The following NT5C1A variants were observed in gnomAD, a reference collection of about 807,000 sequenced individuals.
NT5C1A encodes 5'-nucleotidase, cytosolic IA.
Under a neutral mutation model 31.0 loss-of-function variants are expected in NT5C1A, and 18 were observed. The observed-to-expected ratio is 0.58, with a 90% CI of 0.40 to 0.86. The LOEUF (loss-of-function observed/expected upper bound fraction) is 0.86. NT5C1A is among the 40% of genes least tolerant of loss of function. NT5C1A has a pLI of 0.00. For missense variants in NT5C1A, 470 were observed against 505.4 expected (o/e 0.93, Z 0.67); for synonymous variants, 185 against 203.6 (o/e 0.91, Z 0.78).
At chr1:39,661,040 C>G (rs780992697) in intron 5 of NT5C1A, 39 bp downstream of exon 5, 10 of 1,344,254 alleles carry the variant, frequency 7.4e-6, no homozygotes. Flanking sequence ...TGGGGAGCTG[C>G]CTTGTTCCTC....
At chr1:39,664,643 C>T (rs1440893561) in intron 3 of NT5C1A, among the ~76,000 whole-genome samples, 2 of 146,804 alleles carry the variant, frequency 1.4e-5, no homozygotes, top group Non-Finnish European at 1.5e-5. Context: ...CAGGTGTGCG[C>T]CACCACACCA....
intron 1 of NT5C1A, among the ~76,000 whole-genome samples, chr1:39,668,790 C>T (rs1335735664): frequency 1.3e-5 from 2 of 152,332 alleles, no homozygotes; most frequent in South Asian, 2.1e-4. Flanking sequence ...TGTTTCCCAG[C>T]AGAATGGGGG....
chr1:39,662,374 A>G (rs56009058), intron 4 of NT5C1A, among the ~76,000 whole-genome samples: 22,331 of 152,126 alleles, frequency 0.15, 1,815 homozygotes, highest in South Asian at 0.31. Context: ...CTCCCCGTGG[A>G]CCATTCTCCT....
At position 39,659,473 on chromosome 1, in the gene NT5C1A, C is replaced by A; in HGVS notation, c.755G>T (p.Gly252Val). 1 of 1,576,830 alleles carries A rather than the reference C, an allele frequency of 6.3e-7. No individual in the cohort carries two copies. Among genetic ancestry groups the A allele is most frequent in the South Asian group, 1.2e-5 (1 of 85,978 alleles). The change falls in exon 6 of 6, where the codon GGC becomes GTC. Residue 252 changes from glycine to valine, a missense_variant. By Grantham distance (109) the Gly-to-Val change is moderately radical. Coordinates refer to ENST00000235628, the MANE Select transcript of NT5C1A (RefSeq NM_032526.3). ...NKPLAQGPLK[G>V]FLEALGRLQK... ...CAACCTACCCAGTGCCTCCAGAAAG[C>A]CCTTTAAGGGGCCCTATGAGAAGGC... is the stretch of plus-strand genomic sequence containing the variant.
intron 5 of NT5C1A, among the ~76,000 whole-genome samples, chr1:39,660,660 G>A (rs1206149702): frequency 6.6e-6 from 1 of 152,110 alleles, no homozygotes; most frequent in Non-Finnish European, 1.5e-5. Context: ...TCTCAGGGAG[G>A]AAGTGAGGGT....
intron 1 of NT5C1A, among the ~76,000 whole-genome samples, chr1:39,666,532 A>C (rs905160607): frequency 4.6e-5 from 7 of 152,232 alleles, no homozygotes; most frequent in African/African-American, 1.7e-4. Flanking sequence ...AAAAAAATGA[A>C]GCCAATGTAT....
chr1:39,664,497 T>TCCTCC (rs1646510262), intron 3 of NT5C1A, among the ~76,000 whole-genome samples: 2 of 1,820 alleles, frequency 1.1e-3, no homozygotes, highest in Non-Finnish European at 2.1e-3. Flanking sequence ...TCTCCTCCTC[T>TCCTCC]CCTCTCCTCT....
rs1318209048 is a variant in NT5C1A, at chr1:39,655,209, G to A, written c.*3912C>T. Among the ~76,000 whole-genome samples the A allele has an allele frequency of 6.6e-6, 1 of 152,186 alleles. No homozygotes were observed. Among genetic ancestry groups the A allele is most frequent in the African/African-American group, 2.4e-5 (1 of 41,442 alleles). On this transcript the variant is annotated 3_prime_UTR_variant, in exon 6 of 6. Transcript: ENST00000235628. Reference sequence around the variant, plus strand: ...CCCGCCTTGGCCTCCCAAAGTGCTGGGATTACAGGCATGAGCCACTGTGCC... The same window carrying A: ...CCCGCCTTGGCCTCCCAAAGTGCTGAGATTACAGGCATGAGCCACTGTGCC...
rs1055798174 is a variant in NT5C1A at position 39,655,086 on chromosome 1, C to T, written c.*4035G>A. On this transcript the variant is annotated 3_prime_UTR_variant, in exon 6 of 6. Coordinates refer to ENST00000235628, the MANE Select transcript of NT5C1A (RefSeq NM_032526.3). ...CCTCCCGAGTAGCTGGGACTACAGG[C>T]GTGCACCACCACGCCCAGCTAATTT... 2.7e-4 allele frequency among the ~76,000 whole-genome samples: 41 copies of T among 152,126 alleles called. No homozygotes were observed. Among genetic ancestry groups the T allele is most frequent in the South Asian group, 2.1e-4 (1 of 4,824 alleles).
At chr1:39,664,764 C>A (rs1005543015) in intron 3 of NT5C1A, among the ~76,000 whole-genome samples, 3 of 151,114 alleles carry the variant, frequency 2.0e-5, no homozygotes, top group African/African-American at 4.9e-5. Flanking sequence ...GCTGGGATTA[C>A]AGGAGTGAGC....
intron 1 of NT5C1A, among the ~76,000 whole-genome samples, chr1:39,670,649 C>T (rs1646546161): frequency 6.6e-6 from 1 of 152,228 alleles, no homozygotes; most frequent in East Asian, 1.9e-4. Context: ...CCCCAAGGCC[C>T]TCTGTGGGCT....
rs1039443315 is a variant in NT5C1A at position 39,663,199 on chromosome 1, T to G, written c.556+113A>C. 22 of 1,232,056 alleles carry G rather than the reference T, an allele frequency of 1.8e-5. No homozygotes were observed. In the African/African-American group the frequency reaches 3.1e-4, roughly 17 times the overall value. 76.3% of individuals were successfully genotyped at this position (1,232,056 alleles called of 1,614,324 possible). A position where few individuals can be genotyped will look rare whatever the true frequency, so the allele number is the denominator to read the frequency against. ...AAGGAAAGTATTGCTCAGCCTTGCC[T>G]TCTAGTTACCATGGCAACTCCCAGC... On this transcript the variant is annotated intron_variant, in intron 4 of 5. Transcript: ENST00000235628.
rs1352697848 is a variant in NT5C1A, at chr1:39,665,504, C to T, written c.433+17G>A. On this transcript the variant is annotated intron_variant, in intron 3 of 5. Coordinates refer to ENST00000235628, the MANE Select transcript of NT5C1A (RefSeq NM_032526.3). The stretch of plus-strand genomic sequence containing the variant: ...GGTGTCCCAGGGCAAACCCCCCATC[C>T]TCATGCTCATGCTCACCATAGTGGT... The T allele has an allele frequency of 6.9e-6, 11 of 1,603,582 alleles. No homozygotes were observed. Among genetic ancestry groups the T allele is most frequent in the East Asian group, 2.2e-5 (1 of 44,608 alleles).
rs1288220673 is a variant in NT5C1A, at chr1:39,658,168, C to T, written c.*953G>A. Among the ~76,000 whole-genome samples, 2 of 152,188 alleles carry T rather than the reference C, an allele frequency of 1.3e-5. No individual in the cohort carries two copies. Among genetic ancestry groups the T allele is most frequent in the African/African-American group, 4.8e-5 (2 of 41,438 alleles). ...GCTCAAAGCAAGAGCAAAGGAAACA[C>T]TGAGCAGGCAGCTACTAATGCTTCT... On this transcript the variant is annotated 3_prime_UTR_variant, in exon 6 of 6. Transcript: ENST00000235628.
At chr1:39,666,703 A>G (rs1443453656) in intron 1 of NT5C1A, among the ~76,000 whole-genome samples, 8 of 151,174 alleles carry the variant, frequency 5.3e-5, no homozygotes, top group African/African-American at 1.9e-4. Context: ...AGATTCATAC[A>G]TCCATCTAAC....
intron 1 of NT5C1A, among the ~76,000 whole-genome samples, chr1:39,667,490 C>T (rs572789263): frequency 6.6e-6 from 1 of 152,262 alleles, no homozygotes; most frequent in South Asian, 2.1e-4. Context: ...TCCCACTTTA[C>T]AAATTAAAAA....
In NT5C1A at chr1:39,661,096, T is replaced by C; in HGVS notation, c.724A>G (p.Asn242Asp). ...GGGAGCACCTGAGCCAGAGGTTTGT[T>C]CTCGTGGGCCTTCTCATGCTCGAAG... The part of the protein sequence containing the change: ...RFFEHEKAHE[N>D]KPLAQGPLKG... Residue 242 changes from asparagine (N) to aspartate (D), a missense_variant, in exon 5 of 6, where the codon AAC (asparagine) becomes GAC (aspartate). Transcript: ENST00000235628. 6.3e-7 allele frequency: 1 copy of C among 1,585,648 alleles called. No homozygotes were observed. Among genetic ancestry groups the C allele is most frequent in the Non-Finnish European group, 8.6e-7 (1 of 1,156,826 alleles).
intron 1 of NT5C1A, among the ~76,000 whole-genome samples, 172 bp from the exon 2 acceptor site, chr1:39,666,408 C>T (rs527926999): frequency 1.2e-4 from 18 of 152,320 alleles, no homozygotes; most frequent in East Asian, 9.6e-4. Context: ...CCATCTATGA[C>T]GGACCCAGAT....
At position 39,659,230 on chromosome 1, in the gene NT5C1A, T is replaced by C. The variant is rs1646477555; in HGVS notation, c.998A>G (p.His333Arg). The change falls in exon 6 of 6, where the codon CAT (histidine) becomes CGT (arginine). Residue 333 changes from histidine (H) to arginine (R), a missense_variant. Transcript: ENST00000235628. The stretch of plus-strand genomic sequence containing the variant: ...GCCCATCTCCTGAGCCCCAGCCACA[T>C]GGAACATCTGGTCATCAAAGAAGAT... ...PHIFFDDQMFHVAGAQEMGTV... is the reference protein window; with the variant it reads ...PHIFFDDQMFRVAGAQEMGTV... 1 of 1,614,104 alleles carries C rather than the reference T, an allele frequency of 6.2e-7. No individual in the cohort carries two copies. Among genetic ancestry groups the C allele is most frequent in the Non-Finnish European group, 8.5e-7 (1 of 1,180,044 alleles).
Sources: gnomAD v4.1 joint callset for allele counts (sites outside exome capture counted in the v4.1 genomes callset) on GRCh38, gnomAD v4.1.1 for gene constraint, MANE v1.5 for transcripts, NCBI Gene and HGNC (gene_info 2026-07-23, HGNC 2026-07-21) for gene names.